CAMK1D: variants seen among roughly 807,000 people sequenced by gnomAD.
CAMK1D encodes calcium/calmodulin dependent protein kinase ID, also known as calcium/calmodulin-dependent protein kinase type 1D.
Under a neutral mutation model 47.7 loss-of-function variants are expected in CAMK1D, and 9 were observed. The ratio of observed to expected loss-of-function variants is 0.19; its 90% CI spans 0.11 to 0.33. The LOEUF (loss-of-function observed/expected upper bound fraction) is 0.33. Ranked by LOEUF, CAMK1D falls within the 10% of genes least tolerant of loss-of-function variation. The probability of loss-of-function intolerance (pLI) is 1.00; values close to 1 mark genes in which losing one functional copy is unlikely to be tolerated. For synonymous variants in CAMK1D, 184 were observed against 184.9 expected (o/e 0.99, Z 0.04); for missense variants, 291 against 488.7 (o/e 0.60, Z 3.81).
intron 2 of CAMK1D, among the ~76,000 whole-genome samples, chr10:12,664,911 G>A (rs752079368): frequency 6.6e-6 from 1 of 152,210 alleles, no homozygotes. Context: ...TTATGAGCAT[G>A]TGATTGATTC....
intron 5 of CAMK1D, among the ~76,000 whole-genome samples, chr10:12,788,038 A>T (rs1337477459): frequency 2.0e-5 from 3 of 152,216 alleles, no homozygotes; most frequent in Non-Finnish European, 4.4e-5. Flanking sequence ...CAAAAAGAAC[A>T]AGAGATGTAT....
chr10:12,586,523 T>G (rs1174573012), intron 2 of CAMK1D, among the ~76,000 whole-genome samples: 1 of 151,694 alleles, frequency 6.6e-6, no homozygotes, highest in East Asian at 1.9e-4. Context: ...TTTATCTGGT[T>G]AGGAAATCTA....
chr10:12,648,028 A>G (rs1253371119), intron 2 of CAMK1D, among the ~76,000 whole-genome samples: 1 of 152,242 alleles, frequency 6.6e-6, no homozygotes, highest in East Asian at 1.9e-4. Flanking sequence ...TCTTGCCATG[A>G]TGCCATCTTG....
intron 2 of CAMK1D, among the ~76,000 whole-genome samples, chr10:12,643,561 G>A (rs1314329114): frequency 6.6e-6 from 1 of 152,164 alleles, no homozygotes; most frequent in African/African-American, 2.4e-5. Flanking sequence ...CGCATGCGAG[G>A]GATCTAGGTT....
chr10:12,592,953 G>A (rs1014051566), intron 2 of CAMK1D, among the ~76,000 whole-genome samples: 4 of 152,056 alleles, frequency 2.6e-5, no homozygotes, highest in African/African-American at 7.2e-5. Context: ...CCTCTTAAAT[G>A]TCACTTTCTC....
chr10:12,797,391 C>CT (rs1030429253), intron 6 of CAMK1D, among the ~76,000 whole-genome samples: 26 of 146,330 alleles, frequency 1.8e-4, no homozygotes, highest in Non-Finnish European at 1.8e-4. Context: ...ACACAACAAA[C>CT]TTTTTTTTTT....
At chr10:12,498,741 A>G (rs963215617) in intron 1 of CAMK1D, among the ~76,000 whole-genome samples, 2 of 152,146 alleles carry the variant, frequency 1.3e-5, no homozygotes, top group African/African-American at 2.4e-5. Context: ...AGGATGGCAA[A>G]GTAGCCGATC....
Position 12,572,048 on chromosome 10 carries a change from C to CCA in CAMK1D, c.224+18692_224+18693insCA, listed in dbSNP as rs1554790462. ...AGCACCCAAAAACTAAACCCCCCCC[C>CCA]AAAAAAAAAGTTCTGATAGAATACA... On this transcript the variant is annotated intron_variant, in intron 2 of 10. Coordinates refer to ENST00000619168, the MANE Select transcript of CAMK1D (RefSeq NM_153498.4). Among the ~76,000 whole-genome samples, 441 of 148,752 alleles carry CCA rather than the reference C, an allele frequency of 3.0e-3. 1 individual carries two copies. Among genetic ancestry groups the CCA allele is most frequent in the African/African-American group, 9.8e-3 (393 of 40,000 alleles).
chr10:12,700,735 C>A (rs1833487060), intron 3 of CAMK1D, among the ~76,000 whole-genome samples: 1 of 152,138 alleles, frequency 6.6e-6, no homozygotes, highest in Non-Finnish European at 1.5e-5. Context: ...TCTTGTTTGA[C>A]CTCAGCCTGG....
chr10:12,769,530 G>A lies in CAMK1D; in HGVS notation c.439-143G>A, dbSNP rs74121109. 2,137 of 802,064 alleles carry A rather than the reference G, an allele frequency of 2.7e-3. 22 individuals are homozygous for A. The highest frequency in any genetic ancestry group is 0.026 in the African/African-American group (1,511 of 57,840). The allele number at this position is 802,064 out of a possible 1,614,324, so 49.7% of individuals were successfully genotyped here. A position where few individuals can be genotyped will look rare whatever the true frequency, so the allele number is the denominator to read the frequency against. On this transcript the variant is annotated intron_variant, in intron 4 of 10. Transcript: ENST00000619168. ...GCGCTCTGCACTGTTTCTATTGGCC[G>A]CCGCTTTAGTTGATGCATCTACTGT...
At chr10:12,807,276 C>G (rs1313080608) in intron 6 of CAMK1D, among the ~76,000 whole-genome samples, 1 of 152,178 alleles carries the variant, frequency 6.6e-6, no homozygotes, top group Non-Finnish European at 1.5e-5. Context: ...TCTCCAGTTG[C>G]CTTAAGGAAG....
intron 2 of CAMK1D, among the ~76,000 whole-genome samples, chr10:12,621,523 A>G (rs986988695): frequency 9.9e-5 from 15 of 151,984 alleles, no homozygotes; most frequent in African/African-American, 2.9e-4. Flanking sequence ...TTTATTTTCA[A>G]TGATTGTAGA....
At chr10:12,373,719 C>T (rs1174594512) in intron 1 of CAMK1D, among the ~76,000 whole-genome samples, 1 of 151,988 alleles carries the variant, frequency 6.6e-6, no homozygotes, top group Non-Finnish European at 1.5e-5. Context: ...GCTTACATCA[C>T]CTGCTGTCTG....
intron 1 of CAMK1D, among the ~76,000 whole-genome samples, chr10:12,379,033 C>G (rs776238417): frequency 6.6e-6 from 1 of 152,096 alleles, no homozygotes; most frequent in Non-Finnish European, 1.5e-5. Context: ...TGGTCTCAAA[C>G]TCCTGATCTC....
At chr10:12,647,330 G>A (rs897810981) in intron 2 of CAMK1D, among the ~76,000 whole-genome samples, 3 of 151,192 alleles carry the variant, frequency 2.0e-5, no homozygotes. Context: ...TGTATTTTTA[G>A]TAGAGACTAG....
chr10:12,606,583 C>A (rs577579196), intron 2 of CAMK1D, among the ~76,000 whole-genome samples: 27 of 152,270 alleles, frequency 1.8e-4, no homozygotes, highest in Admixed American at 5.2e-4. Context: ...TGTGGAGTCT[C>A]CCTTTGCCCC....
chr10:12,743,109 G>A (rs150580876), intron 3 of CAMK1D, among the ~76,000 whole-genome samples: 5,713 of 152,152 alleles, frequency 0.038, 392 homozygotes, highest in African/African-American at 0.13. Flanking sequence ...TTGCGAGGCC[G>A]AGGCAGGCAG....
At chr10:12,809,728 C>T (rs1832520753) in intron 6 of CAMK1D, among the ~76,000 whole-genome samples, 2 of 152,136 alleles carry the variant, frequency 1.3e-5, no homozygotes, top group Non-Finnish European at 2.9e-5. Context: ...CTGCCAGGGA[C>T]TGGAGGGAGA....
At chr10:12,504,331 A>T (rs963945285) in intron 1 of CAMK1D, among the ~76,000 whole-genome samples, 2 of 151,474 alleles carry the variant, frequency 1.3e-5, no homozygotes, top group African/African-American at 4.9e-5. Flanking sequence ...AACTGGGGGG[A>T]TTTGGAGGGA....
Sources: gnomAD v4.1 joint callset for allele counts (sites outside exome capture counted in the v4.1 genomes callset) on GRCh38, gnomAD v4.1.1 for gene constraint, MANE v1.5 for transcripts, NCBI Gene and HGNC (gene_info 2026-07-23, HGNC 2026-07-21) for gene names.